The following DSCAM variants were observed in gnomAD, a reference collection of about 807,000 sequenced individuals.
DSCAM encodes cell adhesion molecule DSCAM.
Under a neutral mutation model 217.7 loss-of-function variants are expected in DSCAM, and 47 were observed. The observed-to-expected ratio is 0.22, with a 90% CI of 0.17 to 0.28. DSCAM has a LOEUF of 0.28. Ranked by LOEUF, DSCAM falls within the 10% of genes least tolerant of loss-of-function variation. The pLI is 1.00. For synonymous variants in DSCAM, 1,056 were observed against 1,015.3 expected (o/e 1.04, Z -0.76); for missense variants, 2,080 against 2,618.3 (o/e 0.79, Z 4.49).
intron 1 of DSCAM, among the ~76,000 whole-genome samples, chr21:40,747,618 C>G (rs2091187871): frequency 6.6e-6 from 1 of 151,774 alleles, no homozygotes; most frequent in East Asian, 1.9e-4. Context: ...ATAAATTCTA[C>G]CAAACATTTA....
rs148339138 is a variant in DSCAM, at chr21:40,822,895, A to G, written c.43+23724T>C. Among the ~76,000 whole-genome samples the G allele has an allele frequency of 2.5e-4, 38 of 152,326 alleles. No individual in the cohort carries two copies. The East Asian group carries it at 5.2e-3, about 21-fold the overall frequency. On this transcript the variant is annotated intron_variant, in intron 1 of 32. Transcript: ENST00000400454. ...CCTGGCTCAGTGGCTCATGCCTGCA[A>G]TCTCAGCACTTTGGGAGGCCGAGGC...
At chr21:40,523,339 G>A (rs568262502) in intron 3 of DSCAM, among the ~76,000 whole-genome samples, 3 of 152,162 alleles carry the variant, frequency 2.0e-5, no homozygotes, top group African/African-American at 7.2e-5. Flanking sequence ...TAAAAACCCC[G>A]AGACTCTAGC....
intron 8 of DSCAM, among the ~76,000 whole-genome samples, chr21:40,328,470 T>C (rs1803746234): frequency 6.6e-6 from 1 of 152,170 alleles, no homozygotes; most frequent in Non-Finnish European, 1.5e-5. Context: ...TAATGCCATA[T>C]ACACAATTAA....
intron 1 of DSCAM, among the ~76,000 whole-genome samples, chr21:40,800,706 TCTTA>T (rs1036713645): frequency 5.4e-5 from 8 of 148,712 alleles, no homozygotes; most frequent in African/African-American, 1.8e-4. Context: ...CTTTCTTCTT[TCTTA>T]CTTTCTTTTT....
intron 1 of DSCAM, among the ~76,000 whole-genome samples, chr21:40,793,546 A>G (rs189815473): frequency 1.5e-4 from 23 of 152,206 alleles, no homozygotes; most frequent in African/African-American, 5.3e-4. Context: ...GCTAGAGTGC[A>G]GTGGTGTGAT....
intron 11 of DSCAM, among the ~76,000 whole-genome samples, chr21:40,217,125 ATTAT>A (rs1457597802): frequency 6.6e-6 from 1 of 152,150 alleles, no homozygotes; most frequent in Admixed American, 6.5e-5. Context: ...TCATTTCAAG[ATTAT>A]TTTATATTTG....
intron 11 of DSCAM, among the ~76,000 whole-genome samples, chr21:40,193,007 T>G (rs1190574514): frequency 1.3e-5 from 2 of 152,182 alleles, no homozygotes; most frequent in Non-Finnish European, 2.9e-5. Context: ...CCACACTGTT[T>G]GACCAAGTGG....
At chr21:40,142,821 C>G in intron 17 of DSCAM, 117 bp from the exon 18 acceptor site, 1 of 1,184,536 alleles carries the variant, frequency 8.4e-7, no homozygotes, top group South Asian at 1.6e-5. Context: ...GCACTCAACC[C>G]CAAAATGAAA....
At chr21:40,210,224 C>T (rs144904328) in intron 11 of DSCAM, among the ~76,000 whole-genome samples, 1 of 152,198 alleles carries the variant, frequency 6.6e-6, no homozygotes, top group Non-Finnish European at 1.5e-5. Flanking sequence ...CCAGGTTAAA[C>T]TCACGTCCTA....
At chr21:40,375,964 T>C (rs1222761144) in intron 3 of DSCAM, among the ~76,000 whole-genome samples, 1 of 152,220 alleles carries the variant, frequency 6.6e-6, no homozygotes, top group Non-Finnish European at 1.5e-5. Context: ...ATTCTTTCAT[T>C]ATGCTCCCTG....
chr21:40,653,505 A>G (rs1243406531), intron 3 of DSCAM, among the ~76,000 whole-genome samples: 1 of 152,104 alleles, frequency 6.6e-6, no homozygotes, highest in Non-Finnish European at 1.5e-5. Flanking sequence ...AGGCAATCTG[A>G]CTCAATGATG....
chr21:40,773,221 G>A (rs1432495642), intron 1 of DSCAM, among the ~76,000 whole-genome samples: 1 of 152,214 alleles, frequency 6.6e-6, no homozygotes, highest in Non-Finnish European at 1.5e-5. Context: ...ATTTCTGAGG[G>A]CTGCCATAAC....
chr21:40,182,350 A>C (rs2090814925), intron 14 of DSCAM, among the ~76,000 whole-genome samples: 1 of 151,858 alleles, frequency 6.6e-6, no homozygotes, highest in Non-Finnish European at 1.5e-5. Context: ...CCAAGAGAGG[A>C]GAGGGGTTGG....
At chr21:40,576,055 C>G (rs377360234) in intron 3 of DSCAM, among the ~76,000 whole-genome samples, 2 of 151,312 alleles carry the variant, frequency 1.3e-5, no homozygotes, top group Non-Finnish European at 2.9e-5. Flanking sequence ...TAAGTGGTAC[C>G]TTTTAGAAGT....
chr21:40,408,841 C>T (rs994011018), intron 3 of DSCAM, among the ~76,000 whole-genome samples: 5 of 152,086 alleles, frequency 3.3e-5, no homozygotes, highest in Non-Finnish European at 5.9e-5. Context: ...AACTAGAGTT[C>T]GTAGGCTAGT....
At chr21:40,044,837 G>C (rs556171683) in intron 30 of DSCAM, among the ~76,000 whole-genome samples, 1 of 152,306 alleles carries the variant, frequency 6.6e-6, no homozygotes, top group South Asian at 2.1e-4. Context: ...AGCCCAGTGT[G>C]TTCTAACATG....
At chr21:40,298,860 G>A (rs1423197652) in intron 9 of DSCAM, among the ~76,000 whole-genome samples, 1 of 152,094 alleles carries the variant, frequency 6.6e-6, no homozygotes, top group African/African-American at 2.4e-5. Context: ...CCCTCAATTT[G>A]GTTCTAATCC....
At chr21:40,397,569 A>C (rs1223303552) in intron 3 of DSCAM, among the ~76,000 whole-genome samples, 1 of 152,058 alleles carries the variant, frequency 6.6e-6, no homozygotes. Context: ...TAAATTACCC[A>C]GTCTCAGGTA....
chr21:40,498,092 C>T (rs1455055811), intron 3 of DSCAM, among the ~76,000 whole-genome samples: 5 of 152,150 alleles, frequency 3.3e-5, no homozygotes, highest in South Asian at 2.1e-4. Flanking sequence ...TTCTGTGTCT[C>T]GGTTTTCCTC....
Sources: allele counts gnomAD v4.1 joint callset (sites outside exome capture counted in the v4.1 genomes callset), GRCh38; gene constraint gnomAD v4.1.1; transcripts MANE v1.5; gene names NCBI Gene and HGNC (gene_info 2026-07-23, HGNC 2026-07-21).